The following PAX5 variants were observed in gnomAD, a reference collection of about 807,000 sequenced individuals.
The protein encoded by PAX5 is paired box 5.
A neutral mutation model predicts 43.7 loss-of-function variants in PAX5; 9 were observed. The observed-to-expected ratio is 0.21, with a 90% CI of 0.12 to 0.36. The LOEUF is 0.36. Among genes scored for constraint, PAX5 ranks in the 10% least tolerant of loss-of-function variants. The pLI is 1.00. For synonymous variants in PAX5, 228 were observed against 214.3 expected (o/e 1.06, Z -0.56); for missense variants, 383 against 532.7 (o/e 0.72, Z 2.77).
At chr9:36,895,580 C>T (rs1166325109) in intron 7 of PAX5, among the ~76,000 whole-genome samples, 2 of 152,176 alleles carry the variant, frequency 1.3e-5, no homozygotes, top group South Asian at 2.1e-4. Flanking sequence ...GGATTCAAGA[C>T]TCAATGCATG....
At chr9:36,893,326 C>A (rs557780864) in intron 7 of PAX5, 6 of 152,050 alleles carry the variant, frequency 3.9e-5, no homozygotes, top group African/African-American at 1.2e-4. Flanking sequence ...AAGTTGCATA[C>A]TCAGAGCTCA....
intron 7 of PAX5, among the ~76,000 whole-genome samples, chr9:36,902,266 G>T (rs56229263): frequency 0.084 from 12,839 of 152,258 alleles, 607 homozygotes; most frequent in South Asian, 0.18. Context: ...TGATATATCA[G>T]TTCCCCCTTC....
intron 8 of PAX5, among the ~76,000 whole-genome samples, chr9:36,874,963 A>G (rs1825792093): frequency 1.3e-5 from 2 of 152,180 alleles, no homozygotes; most frequent in Non-Finnish European, 2.9e-5. Context: ...GCTCACATTT[A>G]TTATCAGTAT....
At chr9:36,860,299 T>C (rs1325686318) in intron 8 of PAX5, among the ~76,000 whole-genome samples, 1 of 151,980 alleles carries the variant, frequency 6.6e-6, no homozygotes, top group Non-Finnish European at 1.5e-5. Flanking sequence ...ATTGCACCAC[T>C]GCACTCCAGC....
chr9:36,891,977 C>G (rs1827432601), intron 7 of PAX5, among the ~76,000 whole-genome samples: 1 of 152,216 alleles, frequency 6.6e-6, no homozygotes. Flanking sequence ...TACTGTGTTT[C>G]AATTTTGGAA....
intron 1 of PAX5, among the ~76,000 whole-genome samples, chr9:37,032,670 C>T (rs1441033098): frequency 2.0e-5 from 3 of 152,086 alleles, no homozygotes; most frequent in Non-Finnish European, 2.9e-5. Flanking sequence ...TCAGAGGGCA[C>T]AGAGATGGGG....
At position 36,837,081 on chromosome 9, in the gene PAX5, G is replaced by T; in HGVS notation, c.*3479C>A. ...TTCTTGCCTGATTGTGGGTCTGGGG[G>T]ATTTCTAGGGAATGGGGGTGGGGGA... On this transcript the variant is annotated 3_prime_UTR_variant, in exon 10 of 10. Transcript: ENST00000358127. The T allele has an allele frequency of 4.3e-6, 1 of 232,582 alleles. No individual in the cohort carries two copies. The highest frequency in any genetic ancestry group is 8.5e-6 in the Non-Finnish European group (1 of 117,692). The allele number at this position is 232,582 out of a possible 1,614,324, so 14.4% of individuals were successfully genotyped here. A position where few individuals can be genotyped will look rare whatever the true frequency, so the allele number is the denominator to read the frequency against.
chr9:37,027,385 G>T (rs1018344657), intron 1 of PAX5, among the ~76,000 whole-genome samples: 2 of 152,214 alleles, frequency 1.3e-5, no homozygotes. Context: ...ACTCTTCCTC[G>T]CCGGGGTGTC....
chr9:37,002,748 G>A lies in PAX5; in HGVS notation c.504C>T (p.Ser168=), dbSNP rs1412246327. Residue 168 remains serine (S), a synonymous_variant, in exon 5 of 10, where the codon TCC becomes TCT. Coordinates refer to ENST00000358127, the MANE Select transcript of PAX5 (RefSeq NM_016734.3). ...AGCCGGCCGAATCCGTGCTCACCGA[G>A]GACACCTGCGTCACGGAGCCAGTGG... ...IVSTGSVTQV[S]SVSTDSAGSS... is the part of the protein sequence containing the mutation. 1.2e-6 allele frequency: 2 copies of A among 1,610,176 alleles called. No individual in the cohort carries two copies. Among genetic ancestry groups the A allele is most frequent in the Admixed American group, 1.7e-5 (1 of 59,568 alleles).
chr9:36,836,940 C>T lies in PAX5; in HGVS notation c.*3620G>A, dbSNP rs892383901. On this transcript the variant is annotated 3_prime_UTR_variant, in exon 10 of 10. Coordinates refer to ENST00000358127, the MANE Select transcript of PAX5 (RefSeq NM_016734.3). ...CAGCTGGGAAAGAGTCTGGATGAAA[C>T]CTCAGAAGCACTGTTGTGGATTTGG... 4.3e-6 allele frequency: 1 copy of T among 232,614 alleles called. No individual in the cohort carries two copies. 14.4% of individuals were successfully genotyped at this position (232,614 alleles called of 1,614,324 possible).
In PAX5 at chr9:37,034,193, C is replaced by T. The variant is rs1588296358; in HGVS notation, c.-162G>A. 1.7e-6 allele frequency: 1 copy of T among 594,150 alleles called. No individual in the cohort carries two copies. The allele number at this position is 594,150 out of a possible 1,614,324, so 36.8% of individuals were successfully genotyped here. ...CCGCTCCCCCGCCGAGCTGGGGTAG[C>T]TGATCACTGAGCTGAAACTAAACGT... On this transcript the variant is annotated 5_prime_UTR_variant, in exon 1 of 10. Coordinates refer to ENST00000358127, the MANE Select transcript of PAX5 (RefSeq NM_016734.3).
At chr9:36,902,659 C>A (rs1410620463) in intron 7 of PAX5, among the ~76,000 whole-genome samples, 1 of 152,176 alleles carries the variant, frequency 6.6e-6, no homozygotes, top group Admixed American at 6.5e-5. Context: ...CACACCCTGG[C>A]TCCATGGCCT....
At chr9:36,843,712 GTT>G (rs36100396) in intron 9 of PAX5, among the ~76,000 whole-genome samples, 3,428 of 152,362 alleles carry the variant, frequency 0.022, 55 homozygotes, top group Middle Eastern at 0.041. Flanking sequence ...GCACAGGTGT[GTT>G]TCATGGGCTC....
At chr9:36,915,055 C>T (rs1829621620) in intron 7 of PAX5, among the ~76,000 whole-genome samples, 1 of 152,166 alleles carries the variant, frequency 6.6e-6, no homozygotes, top group Non-Finnish European at 1.5e-5. Context: ...TAACCAGCTC[C>T]TATTGATGGA....
chr9:36,923,152 G>T, intron 7 of PAX5: 1 of 560,390 alleles, frequency 1.8e-6, no homozygotes, highest in Non-Finnish European at 3.1e-6. Context: ...GTTCTCCCCA[G>T]CTTTGTTGGA....
At chr9:36,996,908 T>C (rs560990441) in intron 5 of PAX5, among the ~76,000 whole-genome samples, 1 of 149,540 alleles carries the variant, frequency 6.7e-6, no homozygotes, top group Non-Finnish European at 1.5e-5. Context: ...AGAGAGAGAG[T>C]GTGTGTGTGA....
chr9:36,894,475 C>G (rs967614232), intron 7 of PAX5, among the ~76,000 whole-genome samples: 2 of 152,142 alleles, frequency 1.3e-5, no homozygotes, highest in African/African-American at 4.8e-5. Flanking sequence ...GTAAAGGGGG[C>G]CATGTGGGAT....
chr9:36,928,524 T>C (rs1389240627), intron 6 of PAX5, among the ~76,000 whole-genome samples: 2 of 152,192 alleles, frequency 1.3e-5, no homozygotes, highest in African/African-American at 4.8e-5. Context: ...GTGTGGAACA[T>C]GGAACATCCT....
At chr9:36,921,106 C>T (rs571647658) in intron 7 of PAX5, among the ~76,000 whole-genome samples, 32 of 152,304 alleles carry the variant, frequency 2.1e-4, no homozygotes, top group Non-Finnish European at 3.5e-4. Context: ...AGCCACTGCG[C>T]CCAGCCAGAC....
Sources: allele counts gnomAD v4.1 joint callset (sites outside exome capture counted in the v4.1 genomes callset), GRCh38; gene constraint gnomAD v4.1.1; transcripts MANE v1.5; gene names NCBI Gene and HGNC (gene_info 2026-07-23, HGNC 2026-07-21).